Variants in SETD1B observed in about 807,000 individuals in gnomAD.
The protein encoded by SETD1B is histone-lysine N-methyltransferase SETD1B.
Under a neutral mutation model 148.0 loss-of-function variants are expected in SETD1B, and 7 were observed. The observed-to-expected ratio is 0.05, with a 90% CI of 0.03 to 0.09. The LOEUF (loss-of-function observed/expected upper bound fraction) is 0.09, where lower values mean the gene tolerates loss of function less well. SETD1B is among the 10% of genes least tolerant of loss of function. The pLI is 1.00. For synonymous variants in SETD1B, 1,361 were observed against 1,186.5 expected (o/e 1.15, Z -3.02); for missense variants, 2,155 against 2,729.9 (o/e 0.79, Z 4.69).
Position 121,817,976 on chromosome 12 carries a change from G to A in SETD1B, c.3418+72G>A. The stretch of plus-strand genomic sequence containing the variant: ...TCCCCGGGGCAGAGCCTGAGCAATT[G>A]TCAGAAATACTTCTGAGCCAAAATG... On this transcript the variant is annotated intron_variant, in intron 10 of 16. Coordinates refer to ENST00000604567, the MANE Select transcript of SETD1B (RefSeq NM_001353345.2). The surrounding 1 kb of genome is among the most constrained non-coding windows in gnomAD (Gnocchi z 8.1). The A allele has an allele frequency of 7.1e-7, 1 of 1,402,674 alleles. No individual in the cohort carries two copies. The highest frequency in any genetic ancestry group is 9.5e-7 in the Non-Finnish European group (1 of 1,051,856). 86.9% of individuals were successfully genotyped at this position (1,402,674 alleles called of 1,614,324 possible).
the SETD1B span, among the ~76,000 whole-genome samples, chr12:121,796,920 C>T: frequency 4.8e-4 from 73 of 152,216 alleles, no homozygotes; most frequent in Non-Finnish European, 8.5e-4. Flanking sequence ...TGCCTGTAAT[C>T]CCAGCTACTC....
At chr12:121,793,653 T>TGGC in the SETD1B span, 4 of 1,516,716 alleles carry the variant, frequency 2.6e-6, no homozygotes, top group Non-Finnish European at 3.5e-6. Flanking sequence ...CCCGCAGCAC[T>TGGC]GGCGGCGGCG....
At chr12:121,796,598 C>T in the SETD1B span, among the ~76,000 whole-genome samples, 1 of 152,230 alleles carries the variant, frequency 6.6e-6, no homozygotes, top group South Asian at 2.1e-4. Context: ...GTCCCAGGGA[C>T]GGGAGCTGGC....
At chr12:121,811,295 C>G (rs979769206) in intron 6 of SETD1B, among the ~76,000 whole-genome samples, 19 of 152,062 alleles carry the variant, frequency 1.2e-4, no homozygotes, top group African/African-American at 4.6e-4. Context: ...CTGTGCTGGG[C>G]TAAGTGGGGT....
At position 121,808,114 on chromosome 12, in the gene SETD1B, G is replaced by A; in HGVS notation, c.545-94G>A. On this transcript the variant is annotated intron_variant, in intron 4 of 16. Coordinates refer to ENST00000604567, the MANE Select transcript of SETD1B (RefSeq NM_001353345.2). The surrounding 1 kb of genome is among the most constrained non-coding windows in gnomAD (Gnocchi z 5.3). ...CCTAGGACTGGGGTCTCGGGCACAAGGGACCCACCAGGGTGCCACACAGGT... is the reference window on the plus strand; with the variant it reads ...CCTAGGACTGGGGTCTCGGGCACAAAGGACCCACCAGGGTGCCACACAGGT... 1 of 968,172 alleles carries A rather than the reference G, an allele frequency of 1.0e-6. No homozygotes were observed. Among genetic ancestry groups the A allele is most frequent in the South Asian group, 1.6e-5 (1 of 63,584 alleles). The allele number at this position is 968,172 out of a possible 1,614,324, so 60.0% of individuals were successfully genotyped here.
At position 121,804,396 on chromosome 12, in the gene SETD1B, G is replaced by A. The variant is rs954101959; in HGVS notation, c.-15+163G>A. ...AGCCGGGCCGAGCTAGCGGGTGAGCGCCACGCCGGGCGGCCGGGCGGGCAC... is the reference window on the plus strand; with the variant it reads ...AGCCGGGCCGAGCTAGCGGGTGAGCACCACGCCGGGCGGCCGGGCGGGCAC... On this transcript the variant is annotated intron_variant, in intron 1 of 16. Coordinates refer to ENST00000604567, the MANE Select transcript of SETD1B (RefSeq NM_001353345.2). The surrounding 1 kb of genome is among the most constrained non-coding windows in gnomAD (Gnocchi z 4.6). Among the ~76,000 whole-genome samples the A allele has an allele frequency of 6.8e-6, 1 of 147,298 alleles. No homozygotes were observed. Among genetic ancestry groups the A allele is most frequent in the African/African-American group, 2.5e-5 (1 of 40,740 alleles).
intron 12 of SETD1B, among the ~76,000 whole-genome samples, chr12:121,824,773 G>C (rs925943387): frequency 6.6e-6 from 1 of 152,152 alleles, no homozygotes; most frequent in Non-Finnish European, 1.5e-5. Context: ...AGCACTTTGG[G>C]AGGCCGAGGT....
At chr12:121,820,101 A>G (rs1249551006) in intron 11 of SETD1B, among the ~76,000 whole-genome samples, 1 of 152,218 alleles carries the variant, frequency 6.6e-6, no homozygotes, top group African/African-American at 2.4e-5. Context: ...GGATCAACCC[A>G]AAGGGGAACG....
At position 121,817,859 on chromosome 12, in the gene SETD1B, G is replaced by T. The variant is rs959570677; in HGVS notation, c.3373G>T (p.Ala1125Ser). 6.4e-7 allele frequency: 1 copy of T among 1,551,136 alleles called. No individual in the cohort carries two copies. Among genetic ancestry groups the T allele is most frequent in the South Asian group, 1.2e-5 (1 of 84,014 alleles). ...GTCTGAGAACGATGACGAGGACACA[G>T]CCCTGTCAGAGGCGAGTGAGAAGGA... ...DESENDDEDT[A>S]LSEASEKDEG... is the part of the protein sequence containing the mutation. Residue 1125 changes from alanine to serine, a missense_variant, in exon 10 of 17, where the codon GCC becomes TCC. Ala to Ser is a moderately conservative substitution (Grantham distance 99). Around this residue, in one of 11 missense-constraint regions of SETD1B, gnomAD observed 862 missense variants for 873.8 expected, o/e 0.99. Coordinates refer to ENST00000604567, the MANE Select transcript of SETD1B (RefSeq NM_001353345.2). The surrounding 1 kb of genome is among the most constrained non-coding windows in gnomAD (Gnocchi z 8.1).
the SETD1B span, chr12:121,793,910 G>A: frequency 6.1e-6 from 2 of 327,604 alleles, no homozygotes; most frequent in Non-Finnish European, 1.1e-5. Context: ...GCCACCCTCC[G>A]CGCGTCACGT....
chr12:121,815,736 C>G (rs868263405), intron 7 of SETD1B, among the ~76,000 whole-genome samples: 1 of 152,076 alleles, frequency 6.6e-6, no homozygotes, highest in African/African-American at 2.4e-5. Flanking sequence ...GTCTTGAACT[C>G]CTAGGCTCAA....
At chr12:121,802,214 G>A (rs558811874), upstream of SETD1B, 22 of 152,180 alleles carry the variant, frequency 1.4e-4, no homozygotes, top group African/African-American at 1.9e-4. Context: ...AAGCAAGATC[G>A]TCTCAAGCAT....
In SETD1B at chr12:121,808,917, TG is replaced by T. The variant is rs1189562848; in HGVS notation, c.657+599del. On this transcript the variant is annotated intron_variant, in intron 5 of 16. Transcript: ENST00000604567. The surrounding 1 kb of genome is among the most constrained non-coding windows in gnomAD (Gnocchi z 5.3). ...ACAGAGTCTCAGTCTGTCCCCAGGCTGGAGTGCAGTGGTGCGATCTCAGCTC... is the reference window on the plus strand; with the variant it reads ...ACAGAGTCTCAGTCTGTCCCCAGGCTGAGTGCAGTGGTGCGATCTCAGCTC... Among the ~76,000 whole-genome samples the T allele has an allele frequency of 8.5e-5, 13 of 152,204 alleles. No individual in the cohort carries two copies. The highest frequency in any genetic ancestry group is 3.1e-4 in the African/African-American group (13 of 41,450).
chr12:121,811,615 G>T (rs1021783651), intron 6 of SETD1B, among the ~76,000 whole-genome samples: 2 of 152,120 alleles, frequency 1.3e-5, no homozygotes, highest in African/African-American at 4.8e-5. Context: ...CATCTTCCTT[G>T]GCTCCACTCC....
chr12:121,797,219 G>C, the SETD1B span: 3 of 356,810 alleles, frequency 8.4e-6, no homozygotes, highest in African/African-American at 4.3e-5. Context: ...CATGTTCCAC[G>C]CTAGGGCTCC....
intron 7 of SETD1B, among the ~76,000 whole-genome samples, chr12:121,816,415 C>A (rs182095306): frequency 6.6e-6 from 1 of 152,154 alleles, no homozygotes; most frequent in Non-Finnish European, 1.5e-5. Flanking sequence ...TAGAATGAAC[C>A]GTCTGAAATC....
chr12:121,804,972 G>A lies in SETD1B; in HGVS notation c.174+61G>A. On this transcript the variant is annotated intron_variant, in intron 2 of 16. Coordinates refer to ENST00000604567, the MANE Select transcript of SETD1B (RefSeq NM_001353345.2). The surrounding 1 kb of genome is among the most constrained non-coding windows in gnomAD (Gnocchi z 4.6). The stretch of plus-strand genomic sequence containing the variant: ...CGTCGTGTCCGGGGAGACGCGCCTA[G>A]CGGCCAGGGACCCCCCGCCCGATCC... The A allele has an allele frequency of 6.8e-7, 1 of 1,470,150 alleles. No homozygotes were observed. The highest frequency in any genetic ancestry group is 9.1e-7 in the Non-Finnish European group (1 of 1,102,988). The allele number at this position is 1,470,150 out of a possible 1,614,324, so 91.1% of individuals were successfully genotyped here. A position where few individuals can be genotyped will look rare whatever the true frequency, so the allele number is the denominator to read the frequency against.
intron 10 of SETD1B, 149 bp downstream of exon 10, chr12:121,818,053 G>C: frequency 1.3e-6 from 1 of 765,522 alleles, no homozygotes; most frequent in Non-Finnish European, 2.0e-6. Flanking sequence ...GGTGGCGTAC[G>C]GTTCCATCTT....
At position 121,805,103 on chromosome 12, in the gene SETD1B, A is replaced by T. The variant is rs758061996; in HGVS notation, c.175-15A>T. On this transcript the variant is annotated splice_polypyrimidine_tract_variant and intron_variant, in intron 2 of 16. Coordinates refer to ENST00000604567, the MANE Select transcript of SETD1B (RefSeq NM_001353345.2). This position sits in a 1 kb window ranked among gnomAD's most constrained non-coding sequence, Gnocchi z 4.2. ...ACCAGTTCTCTCATCCCGGCCCCCC[A>T]ATTTCTCCCCACAGATGTCCAGCAA... is the stretch of plus-strand genomic sequence containing the variant. 3.2e-6 allele frequency: 5 copies of T among 1,550,628 alleles called. No homozygotes were observed. The East Asian group carries it at 7.3e-5, about 23-fold the overall frequency.
Sources: gnomAD v4.1 joint callset for allele counts (sites outside exome capture counted in the v4.1 genomes callset) on GRCh38, gnomAD v4.1.1 for gene constraint, gnomAD v4.1.1 regional missense constraint, Gnocchi (gnomAD v3.1) non-coding constraint, MANE v1.5 for transcripts, NCBI Gene and HGNC (gene_info 2026-07-23, HGNC 2026-07-21) for gene names.